The following PRLR variants were observed in gnomAD, a reference collection of about 807,000 sequenced individuals.
PRLR encodes prolactin receptor, also known as hPRL receptor.
Under a neutral mutation model 40.2 loss-of-function variants are expected in PRLR, and 13 were observed. The observed-to-expected ratio is 0.32, with a 90% CI of 0.21 to 0.51. The LOEUF is 0.51. Ranked by LOEUF, PRLR falls within the 20% of genes least tolerant of loss-of-function variation. PRLR has a pLI of 0.97. For missense variants in PRLR, 656 were observed against 747.3 expected (o/e 0.88, Z 1.42); for synonymous variants, 269 against 278.7 (o/e 0.97, Z 0.35).
chr5:35,066,039 A>G lies in PRLR; in HGVS notation c.919T>C (p.Tyr307His). 6.2e-7 allele frequency: 1 copy of G among 1,614,160 alleles called. No homozygotes were observed. The highest frequency in any genetic ancestry group is 8.5e-7 in the Non-Finnish European group (1 of 1,180,014). ...GCQDFPPTSD[Y>H]EDLLVEYLEV... ...AAATACTCCACCAGCAAGTCCTCAT[A>G]GTCAGAAGTGGGAGGAAAGTCTTGG... The change falls in exon 10 of 10, where the codon TAT (tyrosine) becomes CAT (histidine). Residue 307 changes from tyrosine (Y) to histidine (H), a missense_variant. Tyr to His is a moderately conservative substitution (Grantham distance 83). Coordinates refer to ENST00000618457, the MANE Select transcript of PRLR (RefSeq NM_000949.7).
intron 5 of PRLR, among the ~76,000 whole-genome samples, chr5:35,080,265 G>A (rs180901738): frequency 2.6e-4 from 39 of 152,092 alleles, no homozygotes; most frequent in African/African-American, 8.9e-4. Context: ...CTACAGAATG[G>A]GAGAAAATTT....
intron 1 of PRLR, among the ~76,000 whole-genome samples, chr5:35,226,615 C>T (rs977591981): frequency 6.6e-6 from 1 of 152,172 alleles, no homozygotes; most frequent in Non-Finnish European, 1.5e-5. Flanking sequence ...TAGCCCTTTC[C>T]CTAGACTTTC....
chr5:35,193,426 C>T (rs560321567), intron 1 of PRLR, among the ~76,000 whole-genome samples: 2 of 152,322 alleles, frequency 1.3e-5, no homozygotes, highest in South Asian at 4.1e-4. Flanking sequence ...TGGGTTCATT[C>T]TCTGTCTTCA....
At chr5:35,120,045 G>A (rs967395114) in intron 1 of PRLR, among the ~76,000 whole-genome samples, 4 of 152,044 alleles carry the variant, frequency 2.6e-5, no homozygotes, top group South Asian at 2.1e-4. Flanking sequence ...TGGCTCCCAC[G>A]TCTATTCTTT....
At chr5:35,152,966 C>G (rs1014094212) in intron 1 of PRLR, 1 of 152,148 alleles carries the variant, frequency 6.6e-6, no homozygotes, top group African/African-American at 2.4e-5. Flanking sequence ...ACTTGGTATC[C>G]GTAAGACCTG....
At chr5:35,145,788 C>A (rs575420663) in intron 1 of PRLR, among the ~76,000 whole-genome samples, 1 of 150,132 alleles carries the variant, frequency 6.7e-6, no homozygotes, top group South Asian at 2.1e-4. Context: ...TAACACCTTT[C>A]TTCTCTGGTT....
At chr5:35,213,843 G>A (rs34498625) in intron 1 of PRLR, among the ~76,000 whole-genome samples, 20,075 of 152,186 alleles carry the variant, frequency 0.13, 1,851 homozygotes, top group African/African-American at 0.25. Flanking sequence ...AATGGAAACA[G>A]GTATGCTTTG....
chr5:35,146,466 G>A (rs1414747865), intron 1 of PRLR, among the ~76,000 whole-genome samples: 1 of 152,144 alleles, frequency 6.6e-6, no homozygotes, highest in African/African-American at 2.4e-5. Context: ...TTTTAACAGA[G>A]CTCTTTCCAA....
At chr5:35,141,496 A>G (rs751457140) in intron 1 of PRLR, among the ~76,000 whole-genome samples, 1 of 152,186 alleles carries the variant, frequency 6.6e-6, no homozygotes, top group Non-Finnish European at 1.5e-5. Context: ...TGAGCAAAGT[A>G]GTTTGTCCAA....
intron 2 of PRLR, among the ~76,000 whole-genome samples, chr5:35,099,083 T>C (rs1295936245): frequency 6.6e-6 from 1 of 152,246 alleles, no homozygotes; most frequent in East Asian, 1.9e-4. Context: ...TTCATAGGAA[T>C]AGTAAAAACA....
At chr5:35,091,444 G>A (rs1233003102) in intron 2 of PRLR, among the ~76,000 whole-genome samples, 2 of 152,198 alleles carry the variant, frequency 1.3e-5, no homozygotes, top group African/African-American at 4.8e-5. Flanking sequence ...ACAGCCCCGT[G>A]AGCAGCTACA....
chr5:35,189,681 G>A (rs1775547627), intron 1 of PRLR, among the ~76,000 whole-genome samples: 1 of 152,064 alleles, frequency 6.6e-6, no homozygotes, highest in Non-Finnish European at 1.5e-5. Context: ...GTCCCAGGTG[G>A]GAGTCAAGAC....
intron 5 of PRLR, among the ~76,000 whole-genome samples, chr5:35,078,020 C>G (rs1487599216): frequency 1.3e-5 from 2 of 152,146 alleles, no homozygotes; most frequent in Non-Finnish European, 2.9e-5. Context: ...AACAAAGACA[C>G]AACATACCAG....
At chr5:35,132,577 A>G (rs952946726) in intron 1 of PRLR, among the ~76,000 whole-genome samples, 1 of 152,230 alleles carries the variant, frequency 6.6e-6, no homozygotes, top group East Asian at 1.9e-4. Flanking sequence ...TTGCAATTCA[A>G]AATAGGAAAC....
Position 35,072,698 on chromosome 5 carries a change from T to A in PRLR, c.420A>T (p.Pro140=), listed in dbSNP as rs1769829739. 6 of 1,614,210 alleles carry A rather than the reference T, an allele frequency of 3.7e-6. No homozygotes were observed. The highest frequency in any genetic ancestry group is 5.1e-6 in the Non-Finnish European group (6 of 1,180,022). ...PLELAVEVKQ[P]EDRKPYLWIK... ...TCCACAGGTAGGGTTTTCTGTCTTC[T>A]GGCTGTTTTACTTCCACAGCCAGCT... The change falls in exon 6 of 10, where the codon CCA becomes CCT. Residue 140 remains proline, a synonymous_variant. Transcript: ENST00000618457.
chr5:35,222,347 C>CT (rs1561372648), intron 1 of PRLR, among the ~76,000 whole-genome samples: 1 of 152,072 alleles, frequency 6.6e-6, no homozygotes, highest in African/African-American at 2.4e-5. Context: ...GCTTTCTCCT[C>CT]TTTTTTTCAG....
rs1366497749 is a variant in PRLR, at chr5:35,144,094, T to G, written c.-105-25972A>C. Among the ~76,000 whole-genome samples the G allele has an allele frequency of 1.7e-4, 24 of 140,580 alleles. No individual in the cohort carries two copies. The Admixed American group carries it at 1.8e-3, about 10-fold the overall frequency. 92.2% of individuals were successfully genotyped at this position (140,580 alleles called of 152,430 possible). Reference sequence around the variant, plus strand: ...CAGTTTTGCATTCTTTTTTGTTTTGTATGATGCCACAGATTTTCAACAAGC... The same window carrying G: ...CAGTTTTGCATTCTTTTTTGTTTTGGATGATGCCACAGATTTTCAACAAGC... On this transcript the variant is annotated intron_variant, in intron 1 of 9. Transcript: ENST00000618457.
chr5:35,208,283 A>G (rs1452563959), intron 1 of PRLR, among the ~76,000 whole-genome samples: 1 of 151,778 alleles, frequency 6.6e-6, no homozygotes, highest in Non-Finnish European at 1.5e-5. Flanking sequence ...CCTCTCTCTA[A>G]ATTCATGTTG....
At chr5:35,206,476 A>G (rs1456064282) in intron 1 of PRLR, among the ~76,000 whole-genome samples, 1 of 152,150 alleles carries the variant, frequency 6.6e-6, no homozygotes, top group Non-Finnish European at 1.5e-5. Context: ...AAGTCATATA[A>G]TATAAAATAT....
Sources: allele counts gnomAD v4.1 joint callset (sites outside exome capture counted in the v4.1 genomes callset), GRCh38; gene constraint gnomAD v4.1.1; transcripts MANE v1.5; gene names NCBI Gene and HGNC (gene_info 2026-07-23, HGNC 2026-07-21).